Variants in ESRP1 observed in about 807,000 individuals in gnomAD.
ESRP1 encodes RNA-binding motif protein 35A.
A neutral mutation model predicts 81.7 loss-of-function variants in ESRP1; 33 were observed. The ratio of observed to expected loss-of-function variants is 0.40; its 90% CI spans 0.31 to 0.54. The LOEUF is 0.54. Among genes scored for constraint, ESRP1 ranks in the 20% least tolerant of loss-of-function variants. The probability of loss-of-function intolerance (pLI) is 0.41; values close to 1 mark genes in which losing one functional copy is unlikely to be tolerated. For synonymous variants in ESRP1, 320 were observed against 303.3 expected, an observed-to-expected ratio of 1.06 and a Z score of -0.57; for missense variants, 672 against 833.1, an observed-to-expected ratio of 0.81 and a Z score of 2.38.
At chr8:94,694,857 G>T (rs896660712) in intron 14 of ESRP1, among the ~76,000 whole-genome samples, 1 of 152,158 alleles carries the variant, frequency 6.6e-6, no homozygotes, top group African/African-American at 2.4e-5. Context: ...CTTCATTTCT[G>T]AAGTGCTTGG....
intron 4 of ESRP1, among the ~76,000 whole-genome samples, chr8:94,651,227 T>G (rs1818110223): frequency 6.7e-6 from 1 of 149,302 alleles, no homozygotes; most frequent in South Asian, 2.1e-4. Context: ...TGAAAGAAAA[T>G]TATAGTGTGG....
chr8:94,695,653 G>A (rs917929109), intron 14 of ESRP1, among the ~76,000 whole-genome samples: 2 of 146,324 alleles, frequency 1.4e-5, no homozygotes, highest in African/African-American at 2.8e-5. Context: ...ATGAGCCACC[G>A]CAGCTAGCCT....
intron 13 of ESRP1, among the ~76,000 whole-genome samples, chr8:94,681,565 A>T (rs1386179769): frequency 6.6e-6 from 1 of 152,098 alleles, no homozygotes; most frequent in Non-Finnish European, 1.5e-5. Flanking sequence ...TGAACCCAGG[A>T]GACGGAGGCT....
intron 13 of ESRP1, among the ~76,000 whole-genome samples, chr8:94,690,729 TC>T (rs1399806355): frequency 6.6e-6 from 1 of 152,130 alleles, no homozygotes; most frequent in African/African-American, 2.4e-5. Flanking sequence ...TTATAGAAGA[TC>T]TTTAGGCAAG....
chr8:94,691,516 G>A (rs1809401656), intron 13 of ESRP1, among the ~76,000 whole-genome samples: 1 of 152,340 alleles, frequency 6.6e-6, no homozygotes, highest in African/African-American at 2.4e-5. Flanking sequence ...CTGAAGAGCA[G>A]TTCTGTGAAA....
At chr8:94,661,703 T>C (rs981725089) in intron 4 of ESRP1, among the ~76,000 whole-genome samples, 9 of 152,226 alleles carry the variant, frequency 5.9e-5, no homozygotes, top group Non-Finnish European at 1.0e-4. Flanking sequence ...TTCCAAAATT[T>C]GCTGTCTAGA....
intron 10 of ESRP1, among the ~76,000 whole-genome samples, chr8:94,668,516 C>T (rs2130629236): frequency 6.6e-6 from 1 of 152,254 alleles, no homozygotes; most frequent in Admixed American, 6.5e-5. Flanking sequence ...GAAAGCTTAC[C>T]TATGTCTGAA....
At chr8:94,655,388 C>CTTT (rs35393650) in intron 4 of ESRP1, among the ~76,000 whole-genome samples, 10 of 139,322 alleles carry the variant, frequency 7.2e-5, no homozygotes, top group African/African-American at 2.6e-4. Context: ...CACTTGGCAT[C>CTTT]TTTTTTTTTT....
At chr8:94,650,963 T>C (rs1818095519) in intron 4 of ESRP1, among the ~76,000 whole-genome samples, 2 of 152,162 alleles carry the variant, frequency 1.3e-5, no homozygotes, top group Admixed American at 1.3e-4. Flanking sequence ...CCTTGGCCTC[T>C]TAAAGTGCTG....
At chr8:94,693,519 TC>T (rs1400269331) in intron 14 of ESRP1, among the ~76,000 whole-genome samples, 3 of 152,228 alleles carry the variant, frequency 2.0e-5, no homozygotes, top group Non-Finnish European at 4.4e-5. Flanking sequence ...CTTTCTTTCC[TC>T]AAGTCACATA....
rs1281175793 is a variant in ESRP1 at position 94,664,944 on chromosome 8, G to C, written c.773G>C (p.Cys258Ser). ...TCTCAAAGGGGAGGTGCAGCACTTTGTCTGAATGCTCAGGGTCGAAGGAAC... is the reference window on the plus strand; with the variant it reads ...TCTCAAAGGGGAGGTGCAGCACTTTCTCTGAATGCTCAGGGTCGAAGGAAC... Reference protein sequence around the residue: ...LNIAKGGAALCLNAQGRRNGE... With the variant: ...LNIAKGGAALSLNAQGRRNGE... Residue 258 changes from cysteine to serine, a missense_variant, in exon 8 of 16, where the codon TGT becomes TCT. Coordinates refer to ENST00000433389, the MANE Select transcript of ESRP1 (RefSeq NM_017697.4). 1 of 1,612,880 alleles carries C rather than the reference G, an allele frequency of 6.2e-7. No homozygotes were observed. Among genetic ancestry groups the C allele is most frequent in the Non-Finnish European group, 8.5e-7 (1 of 1,179,756 alleles).
chr8:94,664,180 G>A (rs1373989065), intron 6 of ESRP1, among the ~76,000 whole-genome samples: 1 of 142,162 alleles, frequency 7.0e-6, no homozygotes, highest in East Asian at 2.0e-4. Context: ...CTGGAGTGCA[G>A]TGGCACAATC....
At chr8:94,647,490 A>G (rs1322165282) in intron 4 of ESRP1, among the ~76,000 whole-genome samples, 1 of 152,200 alleles carries the variant, frequency 6.6e-6, no homozygotes, top group Non-Finnish European at 1.5e-5. Flanking sequence ...GGGTGTCAGC[A>G]TGGTCAGGTT....
rs184505036 is a variant in ESRP1, at chr8:94,690,107, C to T, written c.1821-2570C>T. Among the ~76,000 whole-genome samples the T allele has an allele frequency of 5.2e-3, 760 of 146,542 alleles. 7 individuals carry two copies. Among genetic ancestry groups the T allele is most frequent in the African/African-American group, 0.018 (721 of 40,474 alleles). Reference sequence around the variant, plus strand: ...TGCTGGGATTACAGGCGTGAGCCACCGTGCCCGGCCTAATTTTTTTTGTTT... The same window carrying T: ...TGCTGGGATTACAGGCGTGAGCCACTGTGCCCGGCCTAATTTTTTTTGTTT... On this transcript the variant is annotated intron_variant, in intron 13 of 15. Coordinates refer to ENST00000433389, the MANE Select transcript of ESRP1 (RefSeq NM_017697.4).
intron 14 of ESRP1, among the ~76,000 whole-genome samples, chr8:94,695,612 G>A (rs141166921): frequency 6.7e-4 from 101 of 150,004 alleles, no homozygotes; most frequent in African/African-American, 2.3e-3. Flanking sequence ...ACCCGCCTGC[G>A]TTGGCATCCC....
chr8:94,659,833 T>C (rs1818628511), intron 4 of ESRP1, among the ~76,000 whole-genome samples: 1 of 152,258 alleles, frequency 6.6e-6, no homozygotes, highest in South Asian at 2.1e-4. Flanking sequence ...TACTTATTGC[T>C]ATGATATGGA....
At chr8:94,671,804 CTG>C in intron 11 of ESRP1, 133 bp downstream of exon 11, 1 of 581,856 alleles carries the variant, frequency 1.7e-6, no homozygotes, top group South Asian at 4.1e-5. Context: ...TAAAATTAGT[CTG>C]AGATAAATTT....
At chr8:94,697,206 T>G (rs1179465439) in intron 15 of ESRP1, among the ~76,000 whole-genome samples, 1 of 152,238 alleles carries the variant, frequency 6.6e-6, no homozygotes, top group African/African-American at 2.4e-5. Context: ...CTTTGGACAT[T>G]AATTTACTAT....
At chr8:94,650,427 T>C (rs1212348796) in intron 4 of ESRP1, among the ~76,000 whole-genome samples, 1 of 152,204 alleles carries the variant, frequency 6.6e-6, no homozygotes, top group East Asian at 1.9e-4. Context: ...GGAGGTCATA[T>C]AGTTGGAATC....
Sources: allele counts gnomAD v4.1 joint callset (sites outside exome capture counted in the v4.1 genomes callset), GRCh38; gene constraint gnomAD v4.1.1; transcripts MANE v1.5; gene names NCBI Gene and HGNC (gene_info 2026-07-23, HGNC 2026-07-21).